EFCAB11: variants seen among roughly 807,000 people sequenced by gnomAD.
EFCAB11 encodes the protein EF-hand calcium binding domain 11.
In EFCAB11, 14 loss-of-function variants were observed where a neutral mutation model predicts 23.0. The observed-to-expected ratio is 0.61, with a 90% CI of 0.40 to 0.95. The LOEUF (loss-of-function observed/expected upper bound fraction) is 0.95, where lower values mean the gene tolerates loss of function less well. Among genes scored for constraint, EFCAB11 ranks in the 40% least tolerant of loss-of-function variants. The pLI, the probability that EFCAB11 is intolerant of heterozygous loss-of-function variation, is 0.00. For synonymous variants in EFCAB11, 65 were observed against 66.6 expected (o/e 0.98, Z 0.11); for missense variants, 198 against 195.8 (o/e 1.01, Z -0.07).
At position 89,908,454 on chromosome 14, in the gene EFCAB11, A is replaced by T. The variant is rs979717247; in HGVS notation, c.410+23087T>A. On this transcript the variant is annotated intron_variant, in intron 5 of 5. Coordinates refer to ENST00000316738, the MANE Select transcript of EFCAB11 (RefSeq NM_145231.4). ...TTACACCACGAGTGGAAAATTCCAT[A>T]CATAAGTATTTAAGACAAACTTCTT... is the stretch of plus-strand genomic sequence containing the variant. Among the ~76,000 whole-genome samples, 4 of 152,328 alleles carry T rather than the reference A, an allele frequency of 2.6e-5. No individual in the cohort carries two copies. In the East Asian group the frequency reaches 7.7e-4, roughly 29 times the overall value.
chr14:89,850,193 T>A (rs1474114021), intron 5 of EFCAB11, among the ~76,000 whole-genome samples: 1 of 152,216 alleles, frequency 6.6e-6, no homozygotes, highest in African/African-American at 2.4e-5. Context: ...CCTCTGCACA[T>A]ACTATGTTCT....
Position 89,856,490 on chromosome 14 carries a change from T to C in EFCAB11, c.411-59166A>G, listed in dbSNP as rs144115357. On this transcript the variant is annotated intron_variant, in intron 5 of 5. Transcript: ENST00000316738. ...CAGGCATGAGTCACCATGCCGTATT[T>C]TGAATTTCTTTAGAAATCTCCATAC... Among the ~76,000 whole-genome samples the C allele has an allele frequency of 2.6e-3, 399 of 152,292 alleles. 1 individual carries two copies. Among genetic ancestry groups the C allele is most frequent in the African/African-American group, 9.3e-3 (387 of 41,564 alleles).
chr14:89,820,294 C>T (rs367801365), intron 5 of EFCAB11, among the ~76,000 whole-genome samples: 94 of 152,216 alleles, frequency 6.2e-4, no homozygotes, highest in African/African-American at 2.2e-3. Flanking sequence ...AAGCTCTCTC[C>T]AAAGGAGTTG....
chr14:89,950,719 T>C (rs897699848), intron 2 of EFCAB11, among the ~76,000 whole-genome samples: 6 of 152,166 alleles, frequency 3.9e-5, no homozygotes, highest in African/African-American at 1.4e-4. Context: ...AATGTTAAAA[T>C]ATAAGCCCTT....
intron 3 of EFCAB11, among the ~76,000 whole-genome samples, chr14:89,940,206 A>G (rs1890742705): frequency 6.6e-6 from 1 of 152,214 alleles, no homozygotes; most frequent in African/African-American, 2.4e-5. Flanking sequence ...TATAATTTCA[A>G]AATAAGGTAA....
At chr14:89,896,245 G>A (rs1414792461) in intron 5 of EFCAB11, among the ~76,000 whole-genome samples, 2 of 152,104 alleles carry the variant, frequency 1.3e-5, no homozygotes, top group South Asian at 2.1e-4. Context: ...TTAGCCGGGC[G>A]TGGCGGCGGA....
At chr14:89,903,574 G>GA (rs1889402592) in intron 5 of EFCAB11, among the ~76,000 whole-genome samples, 2 of 100,830 alleles carry the variant, frequency 2.0e-5, no homozygotes, top group Admixed American at 1.1e-4. Flanking sequence ...TAAAAGAGAA[G>GA]GGGGGGGGCA....
rs60594341 is a variant in EFCAB11, at chr14:89,935,397, GTT to G, written c.218-2772_218-2771del. Among the ~76,000 whole-genome samples the G allele has an allele frequency of 7.2e-3, 973 of 135,774 alleles. 9 individuals are homozygous for G. Among genetic ancestry groups the G allele is most frequent in the African/African-American group, 0.026 (926 of 36,194 alleles). 89.1% of individuals were successfully genotyped at this position (135,774 alleles called of 152,430 possible). On this transcript the variant is annotated intron_variant, in intron 3 of 5. Coordinates refer to ENST00000316738, the MANE Select transcript of EFCAB11 (RefSeq NM_145231.4). The stretch of plus-strand genomic sequence containing the variant: ...GCAAAAAGCATTAAAATGCATGTGG[GTT>G]TTTTTTTTTTTTTTTTCCTAGAGAC...
At chr14:89,913,782 T>G (rs1443747464) in intron 5 of EFCAB11, among the ~76,000 whole-genome samples, 1 of 152,042 alleles carries the variant, frequency 6.6e-6, no homozygotes, top group Non-Finnish European at 1.5e-5. Context: ...AAAGTTAAAA[T>G]TTTTTTTACA....
At chr14:89,878,940 C>T (rs1244489623) in intron 5 of EFCAB11, among the ~76,000 whole-genome samples, 3 of 151,926 alleles carry the variant, frequency 2.0e-5, no homozygotes, top group Non-Finnish European at 2.9e-5. Flanking sequence ...TTAGGCTATA[C>T]ATTTCATTAT....
chr14:89,892,851 A>T (rs995978802), intron 5 of EFCAB11, among the ~76,000 whole-genome samples: 4 of 152,104 alleles, frequency 2.6e-5, no homozygotes, highest in Non-Finnish European at 4.4e-5. Flanking sequence ...GCAGTGAGCC[A>T]AGACTGTGCC....
chr14:89,892,458 A>C, intron 5 of EFCAB11: 1 of 1,538,188 alleles, frequency 6.5e-7, no homozygotes, highest in East Asian at 2.3e-5. Flanking sequence ...TAGGAGAGAA[A>C]GGGTTAAAGC....
chr14:89,954,288 T>C, intron 1 of EFCAB11: 4 of 1,476,312 alleles, frequency 2.7e-6, no homozygotes, highest in Non-Finnish European at 3.7e-6. Context: ...AATTCAGTCC[T>C]GGAGTTAGGA....
At chr14:89,803,763 T>A (rs2140079080) in intron 5 of EFCAB11, among the ~76,000 whole-genome samples, 1 of 152,314 alleles carries the variant, frequency 6.6e-6, no homozygotes, top group Admixed American at 6.5e-5. Context: ...GAAGATGTAA[T>A]GATGACAGCC....
chr14:89,947,937 A>C (rs1439454149), intron 3 of EFCAB11, among the ~76,000 whole-genome samples: 1 of 152,094 alleles, frequency 6.6e-6, no homozygotes, highest in East Asian at 1.9e-4. Flanking sequence ...CTTCTCAAAC[A>C]TACTCAAAAT....
At chr14:89,834,796 C>G (rs1301799746) in intron 5 of EFCAB11, among the ~76,000 whole-genome samples, 1 of 152,174 alleles carries the variant, frequency 6.6e-6, no homozygotes, top group Non-Finnish European at 1.5e-5. Context: ...GAAGTGACTG[C>G]AGCTTAATGC....
At chr14:89,934,423 G>A (rs181637108) in intron 3 of EFCAB11, among the ~76,000 whole-genome samples, 7 of 152,156 alleles carry the variant, frequency 4.6e-5, no homozygotes, top group African/African-American at 1.7e-4. Context: ...CTGGCTTGAA[G>A]AGCTACTTAA....
At chr14:89,807,984 C>T (rs117494744) in intron 5 of EFCAB11, among the ~76,000 whole-genome samples, 14 of 152,126 alleles carry the variant, frequency 9.2e-5, no homozygotes, top group East Asian at 7.7e-4. Context: ...GCAATTCAAA[C>T]GAGTGGGGAT....
intron 5 of EFCAB11, among the ~76,000 whole-genome samples, chr14:89,857,212 AAAT>A (rs1887780794): frequency 6.6e-6 from 1 of 152,236 alleles, no homozygotes; most frequent in Admixed American, 6.5e-5. Context: ...ACTCAACCAC[AAAT>A]AATAAAAATC....
Sources: gnomAD v4.1 joint callset for allele counts (sites outside exome capture counted in the v4.1 genomes callset) on GRCh38, gnomAD v4.1.1 for gene constraint, MANE v1.5 for transcripts, NCBI Gene and HGNC (gene_info 2026-07-23, HGNC 2026-07-21) for gene names.